The following TECRL variants were observed in gnomAD, a reference collection of about 807,000 sequenced individuals.
TECRL encodes the protein trans-2,3-enoyl-CoA reductase-like.
TECRL carries 63 observed loss-of-function variants against 52.8 expected under a neutral mutation model. That is an observed-to-expected ratio of 1.19 (90% CI 0.97 to 1.47). TECRL has a LOEUF of 1.47. Among genes scored for constraint, TECRL ranks in the 40% most tolerant of loss-of-function variants. The pLI is 0.00. For synonymous variants in TECRL, 164 were observed against 141.9 expected (o/e 1.16, Z -1.10); for missense variants, 482 against 429.6 (o/e 1.12, Z -1.08).
chr4:64,339,736 A>G (rs989892737), intron 2 of TECRL, among the ~76,000 whole-genome samples: 4 of 151,860 alleles, frequency 2.6e-5, no homozygotes, highest in Admixed American at 2.6e-4. Flanking sequence ...GAAATGCACT[A>G]CCCCCAAACT....
intron 2 of TECRL, among the ~76,000 whole-genome samples, chr4:64,336,229 G>C (rs1719071104): frequency 6.6e-6 from 1 of 152,018 alleles, no homozygotes; most frequent in Non-Finnish European, 1.5e-5. Context: ...CTTCTTCCTG[G>C]TTTAGTCTTG....
chr4:64,279,854 A>T lies in TECRL; in HGVS notation c.*218T>A. ...TCAAGGACCAATCCCATGCAAATACATTCAGAGCTGTTCTTAGTTAATTGC... is the reference window on the plus strand; with the variant it reads ...TCAAGGACCAATCCCATGCAAATACTTTCAGAGCTGTTCTTAGTTAATTGC... On this transcript the variant is annotated 3_prime_UTR_variant, in exon 12 of 12. Coordinates refer to ENST00000381210, the MANE Select transcript of TECRL (RefSeq NM_001010874.5). The T allele has an allele frequency of 1.8e-6, 2 of 1,085,026 alleles. No homozygotes were observed. The highest frequency in any genetic ancestry group is 3.3e-5 in the African/African-American group (2 of 60,178). 67.2% of individuals were successfully genotyped at this position (1,085,026 alleles called of 1,614,324 possible). A position where few individuals can be genotyped will look rare whatever the true frequency, so the allele number is the denominator to read the frequency against.
chr4:64,352,649 A>T (rs1215514836), intron 2 of TECRL, among the ~76,000 whole-genome samples: 1 of 152,188 alleles, frequency 6.6e-6, no homozygotes, highest in Non-Finnish European at 1.5e-5. Context: ...CTATAGCATT[A>T]CTTCCTCTAT....
chr4:64,408,931 G>A (rs1447152125), intron 1 of TECRL, among the ~76,000 whole-genome samples, 187 bp downstream of exon 1: 1 of 152,068 alleles, frequency 6.6e-6, no homozygotes, highest in Non-Finnish European at 1.5e-5. Flanking sequence ...GAGTATGAGA[G>A]ATGCATTGAA....
chr4:64,296,173 A>G (rs1264464079), intron 8 of TECRL, among the ~76,000 whole-genome samples: 4 of 151,814 alleles, frequency 2.6e-5, no homozygotes, highest in African/African-American at 9.7e-5. Flanking sequence ...TCTTTCATGC[A>G]TCTTATCCAT....
chr4:64,323,461 A>G (rs891038116), intron 3 of TECRL, among the ~76,000 whole-genome samples: 5 of 152,136 alleles, frequency 3.3e-5, no homozygotes, highest in African/African-American at 1.2e-4. Flanking sequence ...CACCTCAACT[A>G]CTTTCTAAAT....
chr4:64,321,090 G>A (rs1717868323), intron 4 of TECRL, among the ~76,000 whole-genome samples: 2 of 151,724 alleles, frequency 1.3e-5, no homozygotes, highest in Admixed American at 1.3e-4. Flanking sequence ...TCACCTTTGT[G>A]GGCATATATA....
chr4:64,280,185 G>GC lies in TECRL; in HGVS notation c.978_979insG (p.Leu327AlafsTer16), dbSNP rs1426113497. 1 of 1,527,992 alleles carries GC rather than the reference G, an allele frequency of 6.5e-7. No individual in the cohort carries two copies. Among genetic ancestry groups the GC allele is most frequent in the Non-Finnish European group, 8.8e-7 (1 of 1,141,006 alleles). The allele number at this position is 1,527,992 out of a possible 1,614,324, so 94.7% of individuals were successfully genotyped here. ...AAAGACATCTGGATACTCATCAGAA[G>GC]TGTAAAAATTCCAACTAGAAGAAAA... On this transcript the variant is annotated frameshift_variant, in exon 12 of 12. Transcript: ENST00000381210. LOFTEE classifies it high-confidence loss of function.
chr4:64,374,879 C>T (rs1722286426), intron 2 of TECRL, among the ~76,000 whole-genome samples: 2 of 151,982 alleles, frequency 1.3e-5, no homozygotes, highest in African/African-American at 4.8e-5. Flanking sequence ...CATACATGTG[C>T]ATGTGTCTTT....
chr4:64,362,574 C>T (rs1250044137), intron 2 of TECRL, among the ~76,000 whole-genome samples: 1 of 151,840 alleles, frequency 6.6e-6, no homozygotes, highest in African/African-American at 2.4e-5. Context: ...AAAAGAAATT[C>T]CAACCAAGAA....
intron 1 of TECRL, among the ~76,000 whole-genome samples, chr4:64,384,962 AGCAGTG>A (rs1723073929): frequency 6.6e-6 from 1 of 152,172 alleles, no homozygotes; most frequent in African/African-American, 2.4e-5. Context: ...GCTCACATCC[AGCAGTG>A]GCAGTGGTGG....
intron 11 of TECRL, 103 bp from the exon 12 acceptor site, chr4:64,280,302 A>C: frequency 1.1e-6 from 1 of 942,950 alleles, no homozygotes. Context: ...TGTTTCTCAA[A>C]TGTTGCATAA....
At chr4:64,306,910 G>T (rs1724373102) in intron 6 of TECRL, among the ~76,000 whole-genome samples, 1 of 152,200 alleles carries the variant, frequency 6.6e-6, no homozygotes, top group Admixed American at 6.5e-5. Context: ...TGGACACAAA[G>T]TTACAGGCTA....
chr4:64,352,390 A>AGAT (rs1720462457), intron 2 of TECRL, among the ~76,000 whole-genome samples: 1 of 152,156 alleles, frequency 6.6e-6, no homozygotes, highest in East Asian at 1.9e-4. Flanking sequence ...ATAGATAGAT[A>AGAT]AGTGGATAGA....
intron 8 of TECRL, among the ~76,000 whole-genome samples, chr4:64,290,461 A>G (rs1398566334): frequency 1.3e-5 from 2 of 152,182 alleles, no homozygotes; most frequent in East Asian, 1.9e-4. Context: ...TATTTGACAT[A>G]TAAATACTAT....
chr4:64,301,116 A>G (rs1176451430), intron 7 of TECRL, among the ~76,000 whole-genome samples: 3 of 150,950 alleles, frequency 2.0e-5, no homozygotes, highest in Non-Finnish European at 4.5e-5. Flanking sequence ...TATGAAGTTT[A>G]TATATCTAAT....
chr4:64,400,146 C>T (rs1406788954), intron 1 of TECRL, among the ~76,000 whole-genome samples: 1 of 152,162 alleles, frequency 6.6e-6, no homozygotes, highest in Non-Finnish European at 1.5e-5. Flanking sequence ...TTTATCAAAC[C>T]AGTGTGTCTT....
intron 3 of TECRL, 29 bp downstream of exon 3, chr4:64,328,483 T>G (rs368744401): frequency 6.3e-7 from 1 of 1,596,488 alleles, no homozygotes; most frequent in East Asian, 2.2e-5. Flanking sequence ...ATAAATTAAA[T>G]AAACACATCA....
At chr4:64,385,496 C>G (rs765815380) in intron 1 of TECRL, among the ~76,000 whole-genome samples, 1 of 152,082 alleles carries the variant, frequency 6.6e-6, no homozygotes, top group South Asian at 2.1e-4. Flanking sequence ...CCTCCTGTTT[C>G]CTGGGACACA....
Sources: allele counts gnomAD v4.1 joint callset (sites outside exome capture counted in the v4.1 genomes callset), GRCh38; gene constraint gnomAD v4.1.1; transcripts MANE v1.5; gene names NCBI Gene and HGNC (gene_info 2026-07-23, HGNC 2026-07-21).